The following RNF125 variants were observed in gnomAD, a reference collection of about 807,000 sequenced individuals.
The protein encoded by RNF125 is ring finger protein 125, also known as E3 ubiquitin-protein ligase RNF125.
Under a neutral mutation model 26.0 loss-of-function variants are expected in RNF125, and 21 were observed. The observed-to-expected ratio is 0.81, with a 90% confidence interval of 0.57 to 1.16. The LOEUF (loss-of-function observed/expected upper bound fraction) is 1.16, where lower values mean the gene tolerates loss of function less well. RNF125 is among the 50% of genes most tolerant of loss of function. RNF125 has a pLI of 0.00. For missense variants in RNF125, 270 were observed against 299.4 expected, an observed-to-expected ratio of 0.90 and a Z score of 0.72; for synonymous variants, 95 against 109.2, an observed-to-expected ratio of 0.87 and a Z score of 0.81.
At chr18:32,034,169 C>A (rs896150511) in intron 1 of RNF125, among the ~76,000 whole-genome samples, 2 of 152,170 alleles carry the variant, frequency 1.3e-5, no homozygotes, top group Non-Finnish European at 2.9e-5. Context: ...TCCTTGCCAC[C>A]ATCAGTTCTT....
intron 1 of RNF125, among the ~76,000 whole-genome samples, chr18:32,025,396 G>A (rs1309171848): frequency 6.6e-6 from 1 of 151,950 alleles, no homozygotes; most frequent in Admixed American, 6.6e-5. Flanking sequence ...AGGCGTGGTG[G>A]CTCACGCCTG....
downstream of RNF125, among the ~76,000 whole-genome samples, chr18:32,077,351 T>G (rs2039577240): frequency 6.7e-6 from 1 of 148,468 alleles, no homozygotes; most frequent in South Asian, 2.1e-4. Context: ...TTTTTTTTTT[T>G]TTTTTTGAGA....
chr18:32,056,617 G>A (rs1245911875), intron 4 of RNF125, among the ~76,000 whole-genome samples: 65 of 51,458 alleles, frequency 1.3e-3, no homozygotes, highest in African/African-American at 5.7e-3. Flanking sequence ...GCAAAACTCC[G>A]TCTCAAAAAA....
At chr18:32,042,819 G>A (rs887394017) in intron 3 of RNF125, among the ~76,000 whole-genome samples, 1 of 150,486 alleles carries the variant, frequency 6.6e-6, no homozygotes, top group African/African-American at 2.4e-5. Flanking sequence ...AGATGTAATG[G>A]AGGATATTGA....
intron 4 of RNF125, among the ~76,000 whole-genome samples, chr18:32,049,059 G>A (rs1340202265): frequency 6.6e-6 from 1 of 152,188 alleles, no homozygotes; most frequent in African/African-American, 2.4e-5. Context: ...GCAGCAATCT[G>A]GGGCAGGCCG....
At chr18:32,089,979 C>T in the RNF125 span, among the ~76,000 whole-genome samples, 1 of 152,238 alleles carries the variant, frequency 6.6e-6, no homozygotes, top group Non-Finnish European at 1.5e-5. Flanking sequence ...GGCACAGTGG[C>T]TCAGGCCTGT....
At chr18:32,056,676 A>G (rs1007340400) in intron 4 of RNF125, among the ~76,000 whole-genome samples, 1 of 151,434 alleles carries the variant, frequency 6.6e-6, no homozygotes, top group African/African-American at 2.4e-5. Flanking sequence ...ACATTAAACA[A>G]TAAAAAAGAG....
At chr18:32,078,601 T>C in the RNF125 span, among the ~76,000 whole-genome samples, 1 of 151,654 alleles carries the variant, frequency 6.6e-6, no homozygotes, top group Non-Finnish European at 1.5e-5. Context: ...GATCATGCCA[T>C]TGCACTCCAG....
chr18:32,083,586 C>A, the RNF125 span, among the ~76,000 whole-genome samples: 1 of 152,116 alleles, frequency 6.6e-6, no homozygotes, highest in Non-Finnish European at 1.5e-5. Flanking sequence ...GGCGAGGAAG[C>A]CGGGGCAGAA....
At chr18:32,066,172 T>G in intron 5 of RNF125, 163 bp downstream of exon 5, 37 of 457,034 alleles carry the variant, frequency 8.1e-5, no homozygotes, top group East Asian at 1.2e-4. Context: ...TGTTTTGGCC[T>G]GGTGCAGTGG....
At chr18:32,019,337 C>A (rs2144419913) in intron 1 of RNF125, among the ~76,000 whole-genome samples, 1 of 152,220 alleles carries the variant, frequency 6.6e-6, no homozygotes, top group South Asian at 2.1e-4. Flanking sequence ...CCAGGGCTCG[C>A]CAACTGGGGA....
chr18:32,080,172 G>A, the RNF125 span, among the ~76,000 whole-genome samples: 1 of 152,142 alleles, frequency 6.6e-6, no homozygotes, highest in Non-Finnish European at 1.5e-5. Context: ...GGGATTACAG[G>A]CACGCGCCAC....
chr18:32,029,619 CAAA>C (rs11369600), intron 1 of RNF125, among the ~76,000 whole-genome samples: 1 of 146,948 alleles, frequency 6.8e-6, no homozygotes, highest in Non-Finnish European at 1.5e-5. Flanking sequence ...GACCCTGCCT[CAAA>C]AAAAAAAAAT....
chr18:32,064,711 C>T (rs2039468532), intron 4 of RNF125, among the ~76,000 whole-genome samples: 1 of 151,990 alleles, frequency 6.6e-6, no homozygotes, highest in Admixed American at 6.6e-5. Flanking sequence ...TTAGTAGAGA[C>T]AGGGTTTCAC....
Position 32,071,660 on chromosome 18 carries a change from C to T in RNF125, c.*3276C>T, listed in dbSNP as rs376964507. ...CCTTACATATAAGCATAGTCATAAC[C>T]ATGGTACCCAAAATTTTCTATAAGT... On this transcript the variant is annotated 3_prime_UTR_variant, in exon 6 of 6. Transcript: ENST00000217740. The T allele has an allele frequency of 7.9e-5, 12 of 152,294 alleles. No homozygotes were observed. Among genetic ancestry groups the T allele is most frequent in the African/African-American group, 2.9e-4 (12 of 41,558 alleles). 9.4% of individuals were successfully genotyped at this position (152,294 alleles called of 1,614,324 possible).
chr18:32,078,158 G>A (rs1454634086), downstream of RNF125, among the ~76,000 whole-genome samples: 2 of 152,138 alleles, frequency 1.3e-5, no homozygotes, highest in Non-Finnish European at 2.9e-5. Flanking sequence ...ATGAAAGGAT[G>A]ATATGGTGAA....
chr18:32,023,226 C>T (rs573462130), intron 1 of RNF125, among the ~76,000 whole-genome samples: 1 of 152,230 alleles, frequency 6.6e-6, no homozygotes, highest in African/African-American at 2.4e-5. Flanking sequence ...GATCTCAGCT[C>T]GCTGCAACCT....
chr18:32,044,155 T>G (rs922440928), intron 3 of RNF125, among the ~76,000 whole-genome samples: 15 of 152,034 alleles, frequency 9.9e-5, no homozygotes, highest in African/African-American at 3.6e-4. Context: ...TACAGGCGTG[T>G]GCCACCATGC....
downstream of RNF125, chr18:32,075,931 G>T: frequency 6.6e-7 from 1 of 1,512,984 alleles, no homozygotes; most frequent in Non-Finnish European, 9.1e-7. Flanking sequence ...TTTCGTCTTT[G>T]CTTCTTCATG....
Sources: allele counts gnomAD v4.1 joint callset (sites outside exome capture counted in the v4.1 genomes callset), GRCh38; gene constraint gnomAD v4.1.1; transcripts MANE v1.5; gene names NCBI Gene and HGNC (gene_info 2026-07-23, HGNC 2026-07-21).